VPS35L: variants seen among roughly 807,000 people sequenced by gnomAD.
The protein encoded by VPS35L is VPS35 endosomal protein-sorting factor-like.
VPS35L carries 83 observed loss-of-function variants against 133.0 expected under a neutral mutation model. The observed-to-expected ratio is 0.62, with a 90% CI of 0.52 to 0.75. VPS35L has a LOEUF of 0.75. Ranked by LOEUF, VPS35L falls within the 30% of genes least tolerant of loss-of-function variation. VPS35L has a pLI of 0.00. For missense variants in VPS35L, 1,083 were observed against 1,206.8 expected (o/e 0.90, Z 1.52); for synonymous variants, 423 against 449.9 (o/e 0.94, Z 0.76).
chr16:19,699,675 A>G lies in VPS35L; in HGVS notation c.2793+27A>G, dbSNP rs1976044666. 5 of 1,610,316 alleles carry G rather than the reference A, an allele frequency of 3.1e-6. No individual in the cohort carries two copies. The highest frequency in any genetic ancestry group is 4.2e-6 in the Non-Finnish European group (5 of 1,179,816). On this transcript the variant is annotated intron_variant, in intron 30 of 30. Transcript: ENST00000417362. This position sits in a 1 kb window ranked among gnomAD's most constrained non-coding sequence, Gnocchi z 4.2. ...TGAGGCGCTCGGAGGGCCCCGTGGT[A>G]TAAGCCCACTGGCCAGTGCACAACC... is the stretch of plus-strand genomic sequence containing the variant.
At chr16:19,605,320 A>T (rs187013708) in intron 9 of VPS35L, among the ~76,000 whole-genome samples, 4 of 152,306 alleles carry the variant, frequency 2.6e-5, no homozygotes, top group Admixed American at 2.6e-4. Context: ...TGTTATATTG[A>T]AGTGTCTTCT....
intron 11 of VPS35L, among the ~76,000 whole-genome samples, chr16:19,610,065 G>GA (rs1181339120): frequency 6.6e-6 from 1 of 152,142 alleles, no homozygotes; most frequent in Non-Finnish European, 1.5e-5. Flanking sequence ...CTCGACTGGG[G>GA]AAAAAATGTG....
intron 29 of VPS35L, among the ~76,000 whole-genome samples, chr16:19,694,778 G>C (rs1015123002): frequency 2.0e-5 from 3 of 152,164 alleles, no homozygotes; most frequent in Non-Finnish European, 4.4e-5. Flanking sequence ...GGCTGAGACA[G>C]GCAGATCACT....
chr16:19,672,053 C>T (rs1489628947), intron 27 of VPS35L, among the ~76,000 whole-genome samples: 5 of 152,246 alleles, frequency 3.3e-5, no homozygotes, highest in African/African-American at 7.2e-5. Context: ...TAAAGTGATC[C>T]TCCTGCCTCA....
chr16:19,629,880 G>T, intron 18 of VPS35L, 60 bp downstream of exon 18: 1 of 1,514,056 alleles, frequency 6.6e-7, no homozygotes, highest in South Asian at 1.1e-5. Flanking sequence ...TTATAATAGT[G>T]AATTAGCCTA....
intron 29 of VPS35L, among the ~76,000 whole-genome samples, chr16:19,697,736 G>A (rs1397792596): frequency 6.6e-6 from 1 of 152,068 alleles, no homozygotes; most frequent in Non-Finnish European, 1.5e-5. Context: ...GCATACAACT[G>A]CATAGCCAAA....
chr16:19,581,782 A>T, intron 7 of VPS35L, 129 bp downstream of exon 7: 2 of 1,087,166 alleles, frequency 1.8e-6, no homozygotes. Context: ...TTTTTCATAT[A>T]CTTCCTGTGA....
intron 1 of VPS35L, among the ~76,000 whole-genome samples, chr16:19,564,267 T>C (rs1971116006): frequency 6.6e-6 from 1 of 151,872 alleles, no homozygotes; most frequent in Non-Finnish European, 1.5e-5. Context: ...TTAATAGAGA[T>C]GGGGATTCAC....
At chr16:19,564,131 T>G (rs1971110046) in intron 1 of VPS35L, among the ~76,000 whole-genome samples, 1 of 152,120 alleles carries the variant, frequency 6.6e-6, no homozygotes, top group Non-Finnish European at 1.5e-5. Flanking sequence ...CAGGCTGGAG[T>G]GCAGTGGCAT....
chr16:19,557,086 C>G (rs1466449994), intron 1 of VPS35L, among the ~76,000 whole-genome samples: 4 of 152,084 alleles, frequency 2.6e-5, no homozygotes, highest in Admixed American at 1.3e-4. Context: ...GAACCGAGAT[C>G]ATGCCACTGC....
Position 19,682,379 on chromosome 16 carries a change from A to T in VPS35L, c.2516A>T (p.His839Leu). The T allele has an allele frequency of 6.2e-7, 1 of 1,614,090 alleles. No individual in the cohort carries two copies. ...ATGAGCCAGGAGACGTACCTTTACCACATAGACAAAGGTAGCAGAGCCTCC... is the reference window on the plus strand; with the variant it reads ...ATGAGCCAGGAGACGTACCTTTACCTCATAGACAAAGGTAGCAGAGCCTCC... ...SAMSQETYLY[H>L]IDKVDSNDSL... Residue 839 changes from histidine to leucine, a missense_variant, in exon 28 of 31, where the codon CAC becomes CTC. Transcript: ENST00000417362.
intron 1 of VPS35L, among the ~76,000 whole-genome samples, chr16:19,561,413 C>T (rs1971026073): frequency 6.6e-6 from 1 of 152,124 alleles, no homozygotes; most frequent in African/African-American, 2.4e-5. Flanking sequence ...TCATTATTGT[C>T]AACCAGCCTT....
chr16:19,660,346 G>T (rs1974443651), intron 26 of VPS35L, among the ~76,000 whole-genome samples: 3 of 151,606 alleles, frequency 2.0e-5, no homozygotes, highest in Admixed American at 6.6e-5. Context: ...AAAAAATAAA[G>T]AAGAAATAAT....
At chr16:19,683,371 G>T (rs77715119) in intron 28 of VPS35L, among the ~76,000 whole-genome samples, 7,631 of 152,252 alleles carry the variant, frequency 0.05, 379 homozygotes, top group East Asian at 0.21. Flanking sequence ...TGTGACAGGG[G>T]TATATTGTGC....
chr16:19,700,578 T>C lies in VPS35L; in HGVS notation c.*102T>C, dbSNP rs1244289570. 5.0e-6 allele frequency: 5 copies of C among 1,009,672 alleles called. No homozygotes were observed. Among genetic ancestry groups the C allele is most frequent in the Non-Finnish European group, 7.5e-6 (5 of 666,054 alleles). The allele number at this position is 1,009,672 out of a possible 1,614,324, so 62.5% of individuals were successfully genotyped here. A position where few individuals can be genotyped will look rare whatever the true frequency, so the allele number is the denominator to read the frequency against. On this transcript the variant is annotated 3_prime_UTR_variant, in exon 31 of 31. Transcript: ENST00000417362. ...CGGCAATTTAGGTTTCTCATTTTTC[T>C]TTTCTTTTTACATATGTACAAATTG...
At chr16:19,558,289 A>G (rs17227921) in intron 1 of VPS35L, among the ~76,000 whole-genome samples, 54,470 of 152,196 alleles carry the variant, frequency 0.36, 12,798 homozygotes, top group Non-Finnish European at 0.52. Flanking sequence ...TTAGGTTCTT[A>G]TAACAACCCC....
chr16:19,620,965 T>TA (rs1010250339), intron 14 of VPS35L, among the ~76,000 whole-genome samples: 81 of 151,070 alleles, frequency 5.4e-4, no homozygotes, highest in Non-Finnish European at 2.4e-4. Context: ...AAGAATAAAT[T>TA]AAAAAAAATA....
intron 2 of VPS35L, 82 bp from the exon 3 acceptor site, chr16:19,569,342 A>G: frequency 1.3e-6 from 2 of 1,492,450 alleles, no homozygotes; most frequent in Non-Finnish European, 1.9e-6. Context: ...AACTACCAGA[A>G]TGGGAGGAAA....
chr16:19,662,442 G>T (rs1376044991), intron 26 of VPS35L, among the ~76,000 whole-genome samples: 1 of 152,198 alleles, frequency 6.6e-6, no homozygotes, highest in Non-Finnish European at 1.5e-5. Flanking sequence ...TTGCCTGTCA[G>T]CATGGCTAAG....
Sources: gnomAD v4.1 joint callset for allele counts (sites outside exome capture counted in the v4.1 genomes callset) on GRCh38, gnomAD v4.1.1 for gene constraint, Gnocchi (gnomAD v3.1) non-coding constraint, MANE v1.5 for transcripts, NCBI Gene and HGNC (gene_info 2026-07-23, HGNC 2026-07-21) for gene names.